Variants in PHTF1 observed in about 807,000 individuals in gnomAD.
The protein encoded by PHTF1 is putative homeodomain transcription factor 1.
A neutral mutation model predicts 102.4 loss-of-function variants in PHTF1; 88 were observed. That is an observed-to-expected ratio of 0.86 (90% CI 0.72 to 1.03). PHTF1 has a LOEUF of 1.03. Among genes scored for constraint, PHTF1 ranks in the 50% least tolerant of loss-of-function variants. The pLI is 0.00. For missense variants in PHTF1, 814 were observed against 909.5 expected (o/e 0.89, Z 1.35); for synonymous variants, 289 against 305.2 (o/e 0.95, Z 0.55).
chr1:113,711,938 AC>A lies in PHTF1; in HGVS notation c.957+1del. The A allele has an allele frequency of 6.2e-7, 1 of 1,612,306 alleles. No individual in the cohort carries two copies. The highest frequency in any genetic ancestry group is 8.5e-7 in the Non-Finnish European group (1 of 1,178,362). On this transcript the variant is annotated splice_donor_variant, in intron 9 of 18. Coordinates refer to ENST00000369604, the MANE Select transcript of PHTF1 (RefSeq NM_001323043.2). LOFTEE classifies it high-confidence loss of function. ...ACTTTCATAAACTAAAATAGAAATT[AC>A]CTGAGAGTTTAGGTGCCTTGAAAGT... is the stretch of plus-strand genomic sequence containing the variant.
At chr1:113,757,189 AC>A (rs1659022836) in intron 3 of PHTF1, among the ~76,000 whole-genome samples, 1 of 150,572 alleles carries the variant, frequency 6.6e-6, no homozygotes, top group South Asian at 2.1e-4. Context: ...AAACAAAAAA[AC>A]AAACAAAAAC....
chr1:113,736,688 T>G lies in PHTF1; in HGVS notation c.331+1422A>C, dbSNP rs546556775. On this transcript the variant is annotated intron_variant, in intron 5 of 18. Coordinates refer to ENST00000369604, the MANE Select transcript of PHTF1 (RefSeq NM_001323043.2). ...TAAGCCTAGGAGGCAGAGGTTGCAGTGAGCTGAGATTGCACCACTGCACTC... is the reference window on the plus strand; with the variant it reads ...TAAGCCTAGGAGGCAGAGGTTGCAGGGAGCTGAGATTGCACCACTGCACTC... 2.6e-5 allele frequency among the ~76,000 whole-genome samples: 4 copies of G among 152,208 alleles called. No homozygotes were observed. The South Asian group carries it at 8.3e-4, about 32-fold the overall frequency.
In PHTF1 at chr1:113,699,733, C is replaced by A; in HGVS notation, c.2113G>T (p.Val705Leu). ...KKEQLTLVNN[V>L]LKLSTKLLKE... ...AACAACTTGGTGGACAGCTTTAATA[C>A]ATTGTTTACTAGAGTAAGCTGTTCT... The change falls in exon 17 of 19, where the codon GTA (valine) becomes TTA (leucine). Residue 705 changes from valine (V) to leucine (L), a missense_variant. By Grantham distance (32) the Val-to-Leu change is conservative. Transcript: ENST00000369604. The A allele has an allele frequency of 2.1e-6, 3 of 1,461,174 alleles. No individual in the cohort carries two copies. Among genetic ancestry groups the A allele is most frequent in the Non-Finnish European group, 2.9e-6 (3 of 1,051,854 alleles). 90.5% of individuals were successfully genotyped at this position (1,461,174 alleles called of 1,614,324 possible). A position where few individuals can be genotyped will look rare whatever the true frequency, so the allele number is the denominator to read the frequency against.
chr1:113,738,768 T>A lies in PHTF1; in HGVS notation c.134A>T (p.His45Leu), dbSNP rs775600933. 3.1e-6 allele frequency: 5 copies of A among 1,605,380 alleles called. No individual in the cohort carries two copies. In the South Asian group the frequency reaches 5.6e-5, roughly 18 times the overall value. Residue 45 changes from histidine (H) to leucine (L), a missense_variant, in exon 4 of 19, where the codon CAC (histidine) becomes CTC (leucine). Transcript: ENST00000369604. ...GLKNKPKKMGHIKPDLIDVDL... is the reference protein window; with the variant it reads ...GLKNKPKKMGLIKPDLIDVDL... ...AACGTCAATCAAGTCTGGCTTTATG[T>A]GGCCCATCTTTTTCGGTTTGTTTTT... is the stretch of plus-strand genomic sequence containing the variant.
At chr1:113,703,832 CAT>C (rs1437003576) in intron 15 of PHTF1, 3 of 432,272 alleles carry the variant, frequency 6.9e-6, no homozygotes, top group Non-Finnish European at 8.3e-6. Flanking sequence ...ATTTTGCAAC[CAT>C]ATGATAGTTT....
At chr1:113,743,232 T>A (rs911270303) in intron 3 of PHTF1, among the ~76,000 whole-genome samples, 1 of 152,130 alleles carries the variant, frequency 6.6e-6, no homozygotes, top group African/African-American at 2.4e-5. Flanking sequence ...TTTCTTTATA[T>A]CTTCATAAGC....
rs752731472 is a variant in PHTF1, at chr1:113,704,762, A to G, written c.1707T>C (p.Thr569=). The change falls in exon 14 of 19, where the codon ACT becomes ACC. Residue 569 remains threonine, a synonymous_variant. Transcript: ENST00000369604. ...FLFAKLFSHI[T]SARKARKYEI... is the part of the protein sequence containing the mutation. ...CATATTTCCTAGCTTTCCTGGCAGA[A>G]GTAATATGGCTGAAGAGTTTTGCAA... The G allele has an allele frequency of 6.3e-7, 1 of 1,595,286 alleles. No homozygotes were observed. The highest frequency in any genetic ancestry group is 1.3e-5 in the African/African-American group (1 of 74,646).
intron 15 of PHTF1, among the ~76,000 whole-genome samples, chr1:113,701,826 TAAAAAAAAA>T (rs34844793): frequency 0.013 from 369 of 27,986 alleles, 4 homozygotes; most frequent in Non-Finnish European, 0.02. Flanking sequence ...CAATTCCTGG[TAAAAAAAAA>T]AAAAAAAAAA....
chr1:113,758,800 A>G, intron 1 of PHTF1, 67 bp from the exon 2 acceptor site: 1 of 1,515,984 alleles, frequency 6.6e-7, no homozygotes, highest in Non-Finnish European at 8.8e-7. Context: ...TTTGGGTAGG[A>G]CGCGAAAACC....
intron 7 of PHTF1, among the ~76,000 whole-genome samples, chr1:113,720,266 C>G (rs999071166): frequency 6.6e-6 from 1 of 152,028 alleles, no homozygotes; most frequent in South Asian, 2.1e-4. Flanking sequence ...TATATATGCA[C>G]CCAACACTGA....
At chr1:113,733,255 G>T (rs1654982789) in intron 5 of PHTF1, among the ~76,000 whole-genome samples, 1 of 151,234 alleles carries the variant, frequency 6.6e-6, no homozygotes, top group African/African-American at 2.4e-5. Flanking sequence ...GGTAAAACAG[G>T]TACTCTCATC....
intron 3 of PHTF1, among the ~76,000 whole-genome samples, chr1:113,750,819 G>A (rs938155683): frequency 6.6e-6 from 1 of 151,142 alleles, no homozygotes; most frequent in East Asian, 1.9e-4. Context: ...ACTCCAGCCT[G>A]GGCAACAGAG....
At chr1:113,737,283 A>T (rs748633369) in intron 5 of PHTF1, among the ~76,000 whole-genome samples, 1 of 152,252 alleles carries the variant, frequency 6.6e-6, no homozygotes, top group Admixed American at 6.5e-5. Flanking sequence ...ACACAGGCAC[A>T]TGTGTGCAGC....
chr1:113,700,811 T>C lies in PHTF1; in HGVS notation c.2029A>G (p.Ile677Val), dbSNP rs1329439025. The change falls in exon 16 of 19, where the codon ATA (isoleucine) becomes GTA (valine). Residue 677 changes from isoleucine to valine, a missense_variant. Ile to Val is a conservative substitution (Grantham distance 29). Transcript: ENST00000369604. Reference protein sequence around the residue: ...ETNKKYSNVSILLTEQINLYL... With the variant: ...ETNKKYSNVSVLLTEQINLYL... ...ATCAATACCTGTTCTGTAAGTAATATTGAAACATTGCTGTATTTCTTATTG... is the reference window on the plus strand; with the variant it reads ...ATCAATACCTGTTCTGTAAGTAATACTGAAACATTGCTGTATTTCTTATTG... 2 of 1,613,916 alleles carry C rather than the reference T, an allele frequency of 1.2e-6. No homozygotes were observed. Among genetic ancestry groups the C allele is most frequent in the African/African-American group, 1.3e-5 (1 of 74,934 alleles).
intron 7 of PHTF1, chr1:113,715,020 G>GACC (rs1157146946): frequency 6.6e-6 from 1 of 152,294 alleles, no homozygotes; most frequent in Non-Finnish European, 1.5e-5. Context: ...TCTGACCCAA[G>GACC]ACCACCAAGG....
intron 3 of PHTF1, among the ~76,000 whole-genome samples, chr1:113,747,803 G>C (rs1305800393): frequency 6.6e-6 from 1 of 152,074 alleles, no homozygotes; most frequent in Non-Finnish European, 1.5e-5. Flanking sequence ...TTATCTTTTA[G>C]CTTCCAAATG....
chr1:113,739,945 T>A (rs1271314242), intron 3 of PHTF1, among the ~76,000 whole-genome samples: 1 of 152,274 alleles, frequency 6.6e-6, no homozygotes, highest in Non-Finnish European at 1.5e-5. Context: ...TATTCCACTG[T>A]GTATATATAC....
chr1:113,713,958 C>T (rs1331329252), intron 7 of PHTF1: 1 of 153,156 alleles, frequency 6.5e-6, no homozygotes, highest in African/African-American at 2.4e-5. Context: ...GAACAAGGGA[C>T]CAGAGTCCTG....
At chr1:113,737,364 T>A (rs900688559) in intron 5 of PHTF1, among the ~76,000 whole-genome samples, 6 of 152,324 alleles carry the variant, frequency 3.9e-5, no homozygotes, top group African/African-American at 1.4e-4. Context: ...AATCTCCATA[T>A]GGAAATGTCA....
Sources: allele counts gnomAD v4.1 joint callset (sites outside exome capture counted in the v4.1 genomes callset), GRCh38; gene constraint gnomAD v4.1.1; transcripts MANE v1.5; gene names NCBI Gene and HGNC (gene_info 2026-07-23, HGNC 2026-07-21).